DACT1: variants seen among roughly 807,000 people sequenced by gnomAD.
DACT1 encodes dapper homolog 1.
In DACT1, 19 loss-of-function variants were observed where a neutral mutation model predicts 35.3. The observed-to-expected ratio is 0.54, with a 90% CI of 0.38 to 0.79. The LOEUF (loss-of-function observed/expected upper bound fraction) is 0.79, where lower values mean the gene tolerates loss of function less well. Among genes scored for constraint, DACT1 ranks in the 30% least tolerant of loss-of-function variants. The pLI is 0.00. For synonymous variants in DACT1, 545 were observed against 466.7 expected (o/e 1.17, Z -2.16); for missense variants, 1,143 against 1,057.5 (o/e 1.08, Z -1.12).
chr14:58,647,143 AT>A lies in DACT1; in HGVS notation c.*11del, dbSNP rs2047700092. The stretch of plus-strand genomic sequence containing the variant: ...TGATGACGACGGTTTGAGTGACATC[AT>A]TGGTGTAGAAAGTTTGTGTGTTTTT... On this transcript the variant is annotated 3_prime_UTR_variant, in exon 4 of 4. Coordinates refer to ENST00000395153, the MANE Select transcript of DACT1 (RefSeq NM_001079520.2). 1 of 1,607,520 alleles carries A rather than the reference AT, an allele frequency of 6.2e-7. No homozygotes were observed.
rs757008110 is a variant in DACT1, at chr14:58,646,491, A to G, written c.1757A>G (p.Lys586Arg). The change falls in exon 4 of 4, where the codon AAA becomes AGA. Residue 586 changes from lysine to arginine, a missense_variant. This residue lies in a region of DACT1 where 1,054 missense variants were observed against 958.8 expected (regional missense o/e 1.10). Transcript: ENST00000395153. ...CCAGATGACTTGGATACAAATAAGA[A>G]ACTCAAGAAAGCCTCCTCCAAGGGG... is the stretch of plus-strand genomic sequence containing the variant. ...RFPDDLDTNK[K>R]LKKASSKGRK... The G allele has an allele frequency of 1.3e-6, 2 of 1,563,586 alleles. No homozygotes were observed. Among genetic ancestry groups the G allele is most frequent in the Admixed American group, 4.2e-5 (2 of 47,820 alleles).
At chr14:58,638,673 G>A (rs1019673080) in intron 1 of DACT1, 126 bp downstream of exon 1, 5 of 1,217,102 alleles carry the variant, frequency 4.1e-6, no homozygotes, top group East Asian at 3.2e-5. Flanking sequence ...GGACGCCCCC[G>A]ACCGCCCCAT....
chr14:58,640,879 G>A lies in DACT1; in HGVS notation c.478+11G>A. ...GTCGGCCTAGCTCAGGTGAGTGATTGAGCACAAGGACAGAATTCTGCACTC... is the reference window on the plus strand; with the variant it reads ...GTCGGCCTAGCTCAGGTGAGTGATTAAGCACAAGGACAGAATTCTGCACTC... On this transcript the variant is annotated intron_variant, in intron 2 of 3. Transcript: ENST00000395153. The A allele has an allele frequency of 6.2e-7, 1 of 1,614,078 alleles. No homozygotes were observed. The highest frequency in any genetic ancestry group is 8.5e-7 in the Non-Finnish European group (1 of 1,179,986).
intron 3 of DACT1, among the ~76,000 whole-genome samples, chr14:58,644,338 A>G (rs1245663112): frequency 2.6e-5 from 4 of 152,218 alleles, no homozygotes; most frequent in Non-Finnish European, 5.9e-5. Context: ...CATTAATACT[A>G]CCACTCAATC....
chr14:58,644,259 T>C (rs1300144019), intron 3 of DACT1, among the ~76,000 whole-genome samples: 3 of 152,234 alleles, frequency 2.0e-5, no homozygotes, highest in African/African-American at 7.2e-5. Context: ...TACCACATGA[T>C]CTTTTAAAAT....
intron 3 of DACT1, among the ~76,000 whole-genome samples, chr14:58,642,701 C>T (rs1368063422): frequency 1.3e-5 from 2 of 152,168 alleles, no homozygotes; most frequent in African/African-American, 4.8e-5. Context: ...CTCAATCAAT[C>T]AATCAGTCTA....
upstream of DACT1, among the ~76,000 whole-genome samples, chr14:58,636,578 G>T (rs773115320): frequency 3.3e-5 from 5 of 152,114 alleles, no homozygotes; most frequent in African/African-American, 9.7e-5. Flanking sequence ...GAGCTCAAAG[G>T]TTGGAAGGGT....
Position 58,647,994 on chromosome 14 carries a change from C to A in DACT1, c.*860C>A, listed in dbSNP as rs2047711519. The A allele has an allele frequency of 6.0e-6, 1 of 167,100 alleles. No individual in the cohort carries two copies. The highest frequency in any genetic ancestry group is 1.9e-4 in the East Asian group (1 of 5,198). The allele number at this position is 167,100 out of a possible 1,614,324, so 10.4% of individuals were successfully genotyped here. A position where few individuals can be genotyped will look rare whatever the true frequency, so the allele number is the denominator to read the frequency against. The stretch of plus-strand genomic sequence containing the variant: ...CAGAATTGCTCACTGAGCGCTATGC[C>A]ACCGAAGCGTTGACCTGAACATATT... On this transcript the variant is annotated 3_prime_UTR_variant, in exon 4 of 4. Transcript: ENST00000395153.
chr14:58,638,887 C>T (rs564736322), intron 1 of DACT1: 32 of 1,045,214 alleles, frequency 3.1e-5, no homozygotes, highest in Non-Finnish European at 3.6e-5. Flanking sequence ...AGTATATGCC[C>T]TCTCCCCAGC....
upstream of DACT1, among the ~76,000 whole-genome samples, chr14:58,635,871 A>G (rs542626089): frequency 2.0e-4 from 30 of 152,346 alleles, no homozygotes; most frequent in African/African-American, 7.0e-4. Context: ...GAGGAATCTA[A>G]TTCAGAGCTG....
At chr14:58,641,179 C>G (rs1025543088) in intron 2 of DACT1, among the ~76,000 whole-genome samples, 6 of 151,614 alleles carry the variant, frequency 4.0e-5, no homozygotes, top group African/African-American at 7.3e-5. Flanking sequence ...AAATTAGTCA[C>G]ACTTCAACTT....
At position 58,647,234 on chromosome 14, in the gene DACT1, G is replaced by T. The variant is rs2140221694; in HGVS notation, c.*100G>T. ...TTTCATTTTTGTATAATACTTTAAT[G>T]GAATGCTTTTTAAAAAAATATAAAA... On this transcript the variant is annotated 3_prime_UTR_variant, in exon 4 of 4. Transcript: ENST00000395153. 1 of 1,371,090 alleles carries T rather than the reference G, an allele frequency of 7.3e-7. No homozygotes were observed. Among genetic ancestry groups the T allele is most frequent in the Non-Finnish European group, 1.0e-6 (1 of 993,586 alleles). The allele number at this position is 1,371,090 out of a possible 1,614,324, so 84.9% of individuals were successfully genotyped here. A position where few individuals can be genotyped will look rare whatever the true frequency, so the allele number is the denominator to read the frequency against.
At position 58,638,285 on chromosome 14, in the gene DACT1, A is replaced by C; in HGVS notation, c.83A>C (p.Glu28Ala). 1 of 1,350,608 alleles carries C rather than the reference A, an allele frequency of 7.4e-7. No individual in the cohort carries two copies. Among genetic ancestry groups the C allele is most frequent in the Non-Finnish European group, 9.5e-7 (1 of 1,054,860 alleles). 83.7% of individuals were successfully genotyped at this position (1,350,608 alleles called of 1,614,324 possible). Residue 28 changes from glutamate (E) to alanine (A), a missense_variant, in exon 1 of 4, where the codon GAG becomes GCG. Glu to Ala is a moderately radical substitution (Grantham distance 107, BLOSUM62 -1). Coordinates refer to ENST00000395153, the MANE Select transcript of DACT1 (RefSeq NM_001079520.2). ...GGCGAGCAGCGCACGGCGGAGCCCG[A>C]GGGGCGCTGGCGGGAGAAGGGCGAG... ...ARGEQRTAEP[E>A]GRWREKGEAD... is the part of the protein sequence containing the mutation.
At chr14:58,638,568 G>C in intron 1 of DACT1, 21 bp downstream of exon 1, 1 of 1,325,396 alleles carries the variant, frequency 7.5e-7, no homozygotes, top group Non-Finnish European at 9.7e-7. Flanking sequence ...CCCGAAGGTG[G>C]AGCACGGCTG....
chr14:58,645,702 C>A lies in DACT1; in HGVS notation c.968C>A (p.Thr323Asn). The A allele has an allele frequency of 6.2e-7, 1 of 1,614,236 alleles. No individual in the cohort carries two copies. The highest frequency in any genetic ancestry group is 8.5e-7 in the Non-Finnish European group (1 of 1,180,040). The stretch of plus-strand genomic sequence containing the variant: ...CCTGTAAGGACCAACAAACCAAGAA[C>A]CAGCGTGAACGCTGACCCCACGAAA... ...THPVRTNKPR[T>N]SVNADPTKGL... The change falls in exon 4 of 4, where the codon ACC becomes AAC. Residue 323 changes from threonine (T) to asparagine (N), a missense_variant. Coordinates refer to ENST00000395153, the MANE Select transcript of DACT1 (RefSeq NM_001079520.2).
At chr14:58,641,208 G>GT (rs59251200) in intron 2 of DACT1, among the ~76,000 whole-genome samples, 94,062 of 146,430 alleles carry the variant, frequency 0.64, 30,647 homozygotes, top group African/African-American at 0.8. Context: ...CACTTCAAAA[G>GT]TTTTTTTTTT....
intron 3 of DACT1, 182 bp from the exon 4 acceptor site, chr14:58,645,187 A>G: frequency 8.2e-7 from 1 of 1,224,490 alleles, no homozygotes; most frequent in Non-Finnish European, 1.2e-6. Flanking sequence ...TTTTTCATAA[A>G]AATTGGCCAA....
rs1369377514 is a variant in DACT1 at position 58,645,869 on chromosome 14, C to A, written c.1135C>A (p.Pro379Thr). 6.2e-7 allele frequency: 1 copy of A among 1,614,252 alleles called. No homozygotes were observed. The highest frequency in any genetic ancestry group is 8.5e-7 in the Non-Finnish European group (1 of 1,180,046). Residue 379 changes from proline (P) to threonine (T), a missense_variant, in exon 4 of 4, where the codon CCG becomes ACG. This residue lies in a region of DACT1 where 1,054 missense variants were observed against 958.8 expected (regional missense o/e 1.10). Coordinates refer to ENST00000395153, the MANE Select transcript of DACT1 (RefSeq NM_001079520.2). ...TCTGAACAATGGGACATTCTCCCCA[C>A]CGAAGCAGTGGTCGAAAGAATCAAA... ...PSLNNGTFSP[P>T]KQWSKESKAE...
Position 58,638,332 on chromosome 14 carries a change from A to T in DACT1, c.130A>T (p.Thr44Ser). ...CGAGGCAGACACCGAGCGGCAGCGC[A>T]CCCGGGAGCGGCAGGAGGCCACGCT... is the stretch of plus-strand genomic sequence containing the variant. Reference protein sequence around the residue: ...KGEADTERQRTRERQEATLAG... With the variant: ...KGEADTERQRSRERQEATLAG... The change falls in exon 1 of 4, where the codon ACC (threonine) becomes TCC (serine). Residue 44 changes from threonine to serine, a missense_variant. Around this residue, in one of 3 missense-constraint regions of DACT1, gnomAD observed 85 missense variants for 81.8 expected, o/e 1.04. Coordinates refer to ENST00000395153, the MANE Select transcript of DACT1 (RefSeq NM_001079520.2). The T allele has an allele frequency of 7.6e-7, 1 of 1,316,774 alleles. No individual in the cohort carries two copies. The highest frequency in any genetic ancestry group is 9.6e-7 in the Non-Finnish European group (1 of 1,038,494). The allele number at this position is 1,316,774 out of a possible 1,614,324, so 81.6% of individuals were successfully genotyped here.
Sources: allele counts gnomAD v4.1 joint callset (sites outside exome capture counted in the v4.1 genomes callset), GRCh38; gene constraint gnomAD v4.1.1; regional missense constraint gnomAD v4.1.1; transcripts MANE v1.5; gene names NCBI Gene and HGNC (gene_info 2026-07-23, HGNC 2026-07-21).